Variants in SVOPL observed in about 807,000 individuals in gnomAD.
SVOPL encodes SVOP like, also known as putative transporter SVOPL.
Under a neutral mutation model 61.0 loss-of-function variants are expected in SVOPL, and 60 were observed. The ratio of observed to expected loss-of-function variants is 0.98; its 90% confidence interval spans 0.80 to 1.22. The LOEUF (loss-of-function observed/expected upper bound fraction) is 1.22, where lower values mean the gene tolerates loss of function less well. Ranked by LOEUF, SVOPL falls within the 50% of genes most tolerant of loss-of-function variation. The pLI is 0.00. For synonymous variants in SVOPL, 279 were observed against 250.0 expected (o/e 1.12, Z -1.09); for missense variants, 662 against 643.9 (o/e 1.03, Z -0.30).
chr7:138,621,256 A>G, intron 13 of SVOPL, 121 bp from the exon 14 acceptor site: 1 of 664,112 alleles, frequency 1.5e-6, no homozygotes, highest in Non-Finnish European at 2.4e-6. Flanking sequence ...ACAGTTACAG[A>G]ATATGGAATA....
chr7:138,700,679 A>AAGAT (rs142195076), intron 1 of SVOPL, among the ~76,000 whole-genome samples: 16,798 of 148,730 alleles, frequency 0.11, 1,313 homozygotes, highest in African/African-American at 0.21. Flanking sequence ...ACCCAGTAAG[A>AAGAT]GGATGGATGG....
At chr7:138,599,498 G>A (rs1397077740) in intron 14 of SVOPL, among the ~76,000 whole-genome samples, 1 of 152,202 alleles carries the variant, frequency 6.6e-6, no homozygotes, top group East Asian at 1.9e-4. Context: ...GATGGCCTAG[G>A]AACAGCCAGC....
chr7:138,602,713 C>T (rs1368287884), intron 14 of SVOPL, among the ~76,000 whole-genome samples: 1 of 65,414 alleles, frequency 1.5e-5, no homozygotes, highest in Non-Finnish European at 2.7e-5. Flanking sequence ...TGCATAGGCA[C>T]CCTCAACCCC....
At chr7:138,678,333 G>C in intron 3 of SVOPL, 101 bp downstream of exon 3, 1 of 1,279,574 alleles carries the variant, frequency 7.8e-7, no homozygotes, top group Non-Finnish European at 1.1e-6. Flanking sequence ...CCTGAGGGCT[G>C]TGTCACAGGC....
At chr7:138,626,595 G>A (rs1304469252) in intron 12 of SVOPL, among the ~76,000 whole-genome samples, 1 of 152,076 alleles carries the variant, frequency 6.6e-6, no homozygotes, top group Non-Finnish European at 1.5e-5. Context: ...GTTTTGCCAT[G>A]TTGTCCAAGC....
chr7:138,636,341 G>T (rs1029094366), intron 9 of SVOPL, among the ~76,000 whole-genome samples: 58 of 152,202 alleles, frequency 3.8e-4, no homozygotes, highest in African/African-American at 1.3e-3. Flanking sequence ...AAATGTTGCT[G>T]AGAAAAATAA....
intron 14 of SVOPL, among the ~76,000 whole-genome samples, chr7:138,619,043 AG>A (rs1473139041): frequency 3.3e-5 from 5 of 152,180 alleles, no homozygotes; most frequent in Non-Finnish European, 7.3e-5. Context: ...CAGGTGGTCA[AG>A]AACTCAATTC....
At chr7:138,634,115 T>C (rs899475237) in intron 9 of SVOPL, among the ~76,000 whole-genome samples, 1 of 152,198 alleles carries the variant, frequency 6.6e-6, no homozygotes, top group Non-Finnish European at 1.5e-5. Context: ...CCTCCTGGTC[T>C]CCCTGTTATG....
intron 7 of SVOPL, among the ~76,000 whole-genome samples, chr7:138,655,889 T>G (rs1469573785): frequency 6.6e-6 from 1 of 152,174 alleles, no homozygotes; most frequent in Non-Finnish European, 1.5e-5. Flanking sequence ...TAAACTTAGT[T>G]GATAAGGCAG....
intron 9 of SVOPL, among the ~76,000 whole-genome samples, chr7:138,636,064 G>C (rs535105708): frequency 1.3e-5 from 2 of 151,880 alleles, no homozygotes; most frequent in South Asian, 4.2e-4. Flanking sequence ...GAGTAGCTGG[G>C]ACTACAGGCG....
intron 9 of SVOPL, among the ~76,000 whole-genome samples, chr7:138,642,831 C>CAAAAAAAAAAA (rs749603417): frequency 7.4e-4 from 20 of 26,878 alleles, no homozygotes; most frequent in African/African-American, 1.4e-3. Flanking sequence ...CTCCTACCTC[C>CAAAAAAAAAAA]AAAAAAAAAA....
At chr7:138,622,154 CTATCTGTCTATG>C (rs1799661167) in intron 13 of SVOPL, among the ~76,000 whole-genome samples, 2 of 51,184 alleles carry the variant, frequency 3.9e-5, no homozygotes, top group African/African-American at 1.3e-4. Flanking sequence ...ATCTATGTAT[CTATCTGTCTATG>C]TATCTATCTG....
At chr7:138,654,194 G>C (rs947101140) in intron 7 of SVOPL, among the ~76,000 whole-genome samples, 2 of 149,924 alleles carry the variant, frequency 1.3e-5, no homozygotes, top group African/African-American at 4.9e-5. Context: ...GAAGAAATAA[G>C]TCCTGGTGTT....
At position 138,679,050 on chromosome 7, in the gene SVOPL, T is replaced by G. The variant is rs74493735; in HGVS notation, c.-5A>C. On this transcript the variant is annotated 5_prime_UTR_variant, in exon 2 of 16. Transcript: ENST00000674285. ...CTCTGTTGGCTTGGTTGCCATCTTC[T>G]AAATAGCTCAAGTTCCCCAAACAGC... 3.1e-3 allele frequency: 4,812 copies of G among 1,551,284 alleles called. 103 individuals carry two copies. The East Asian group carries it at 0.037, about 12-fold the overall frequency.
At chr7:138,652,128 T>C (rs1801470188) in intron 7 of SVOPL, among the ~76,000 whole-genome samples, 2 of 151,930 alleles carry the variant, frequency 1.3e-5, no homozygotes, top group African/African-American at 4.8e-5. Context: ...CTTGGCTCAC[T>C]GCAACTTCTG....
chr7:138,656,524 C>G lies in SVOPL; in HGVS notation c.471-13G>C. The stretch of plus-strand genomic sequence containing the variant: ...CTTTATGATTAACCTAAACAGGAAG[C>G]AGGAAAAAGCATAATTTTGTTTTAA... On this transcript the variant is annotated splice_polypyrimidine_tract_variant and intron_variant, in intron 6 of 15. Coordinates refer to ENST00000674285, the MANE Select transcript of SVOPL (RefSeq NM_001139456.2). 6.2e-7 allele frequency: 1 copy of G among 1,612,342 alleles called. No homozygotes were observed.
In SVOPL at chr7:138,594,579, T is replaced by C. The variant is rs970372585; in HGVS notation, c.*31A>G. 1.3e-6 allele frequency: 2 copies of C among 1,586,814 alleles called. No homozygotes were observed. Among genetic ancestry groups the C allele is most frequent in the African/African-American group, 1.4e-5 (1 of 73,750 alleles). On this transcript the variant is annotated 3_prime_UTR_variant, in exon 16 of 16. Coordinates refer to ENST00000674285, the MANE Select transcript of SVOPL (RefSeq NM_001139456.2). ...CAGTTCTGAAGATAGAATTCATTTTTCTCATCTGGTAGACATAGCTTTGCA... is the reference window on the plus strand; with the variant it reads ...CAGTTCTGAAGATAGAATTCATTTTCCTCATCTGGTAGACATAGCTTTGCA...
At chr7:138,600,598 TCTCA>T (rs1798473659) in intron 14 of SVOPL, among the ~76,000 whole-genome samples, 1 of 150,796 alleles carries the variant, frequency 6.6e-6, no homozygotes, top group South Asian at 2.1e-4. Context: ...CGAGACAGTG[TCTCA>T]AAAGAAAAAA....
At chr7:138,619,377 G>A (rs1486634551) in intron 14 of SVOPL, among the ~76,000 whole-genome samples, 1 of 151,676 alleles carries the variant, frequency 6.6e-6, no homozygotes. Flanking sequence ...CCCCAGCCTG[G>A]GCGACAGAGC....
Sources: gnomAD v4.1 joint callset for allele counts (sites outside exome capture counted in the v4.1 genomes callset) on GRCh38, gnomAD v4.1.1 for gene constraint, MANE v1.5 for transcripts, NCBI Gene and HGNC (gene_info 2026-07-23, HGNC 2026-07-21) for gene names.